Variants in SPPL3 observed in about 807,000 individuals in gnomAD.
The protein encoded by SPPL3 is signal peptide peptidase-like 3.
In SPPL3, 5 loss-of-function variants were observed where a neutral mutation model predicts 42.4. The ratio of observed to expected loss-of-function variants is 0.12; its 90% CI spans 0.06 to 0.25. SPPL3 has a LOEUF of 0.25. SPPL3 is among the 10% of genes least tolerant of loss of function. The pLI is 1.00. For synonymous variants in SPPL3, 195 were observed against 181.8 expected (o/e 1.07, Z -0.58); for missense variants, 235 against 489.0 (o/e 0.48, Z 4.90).
intron 2 of SPPL3, among the ~76,000 whole-genome samples, chr12:120,805,831 C>T (rs1338744272): frequency 6.6e-6 from 1 of 151,922 alleles, no homozygotes; most frequent in Non-Finnish European, 1.5e-5. Context: ...CTGAAAATTA[C>T]AAAACACTAT....
At chr12:120,891,418 G>A (rs918459727) in intron 1 of SPPL3, among the ~76,000 whole-genome samples, 5 of 151,856 alleles carry the variant, frequency 3.3e-5, no homozygotes, top group Non-Finnish European at 4.4e-5. Flanking sequence ...ATCAGGCCAC[G>A]AGATTTTTTT....
intron 1 of SPPL3, among the ~76,000 whole-genome samples, chr12:120,832,339 G>C (rs955852623): frequency 3.3e-5 from 5 of 152,102 alleles, no homozygotes; most frequent in African/African-American, 9.7e-5. Context: ...TATTAAAAAA[G>C]AGAAAGAAAA....
At chr12:120,787,732 G>A (rs968508662) in intron 3 of SPPL3, among the ~76,000 whole-genome samples, 7 of 151,970 alleles carry the variant, frequency 4.6e-5, no homozygotes, top group Admixed American at 2.0e-4. Context: ...ACCCAAGCAC[G>A]CATCCTTAAA....
chr12:120,806,157 T>C (rs56284009), intron 2 of SPPL3, among the ~76,000 whole-genome samples: 3,861 of 151,550 alleles, frequency 0.025, 75 homozygotes, highest in Middle Eastern at 0.051. Flanking sequence ...AGAAGAGACA[T>C]ACAGACCAGA....
intron 2 of SPPL3, among the ~76,000 whole-genome samples, chr12:120,802,251 T>C (rs1002720765): frequency 6.6e-6 from 1 of 151,558 alleles, no homozygotes; most frequent in Non-Finnish European, 1.5e-5. Context: ...CTGATAAAAA[T>C]ACGAATGCAC....
chr12:120,779,847 A>G (rs1869462505), intron 6 of SPPL3, among the ~76,000 whole-genome samples: 1 of 148,310 alleles, frequency 6.7e-6, no homozygotes, highest in South Asian at 2.1e-4. Flanking sequence ...AAAAAAAAAA[A>G]ATTAGCAAGG....
At chr12:120,820,305 A>ATTTTTTTTTTTT (rs754034719) in intron 1 of SPPL3, among the ~76,000 whole-genome samples, 1 of 139,034 alleles carries the variant, frequency 7.2e-6, no homozygotes, top group Non-Finnish European at 1.5e-5. Context: ...TCTTTCTCTA[A>ATTTTTTTTTTTT]ATTTTTTTTT....
chr12:120,802,771 A>C (rs1870360711), intron 2 of SPPL3, among the ~76,000 whole-genome samples: 1 of 152,058 alleles, frequency 6.6e-6, no homozygotes, highest in African/African-American at 2.4e-5. Context: ...ACATTCAAGA[A>C]TAACCAGTTT....
Position 120,889,292 on chromosome 12 carries a change from T to C in SPPL3, c.23+14553A>G, listed in dbSNP as rs117961199. Among the ~76,000 whole-genome samples the C allele has an allele frequency of 5.1e-3, 781 of 152,350 alleles. 2 individuals carry two copies. The highest frequency in any genetic ancestry group is 7.2e-3 in the Non-Finnish European group (492 of 68,030). ...AAGAGGGAACTTTAACTGTGGTAGATTGCATTAGAGGCATTAATTCCTCAT... is the reference window on the plus strand; with the variant it reads ...AAGAGGGAACTTTAACTGTGGTAGACTGCATTAGAGGCATTAATTCCTCAT... On this transcript the variant is annotated intron_variant, in intron 1 of 10. Transcript: ENST00000353487.
chr12:120,772,814 GA>G (rs1869171224), intron 6 of SPPL3, among the ~76,000 whole-genome samples: 1 of 152,130 alleles, frequency 6.6e-6, no homozygotes, highest in African/African-American at 2.4e-5. Flanking sequence ...TTCAACCTAG[GA>G]AGAGCAAAAT....
At chr12:120,792,666 C>T (rs1202207409) in intron 2 of SPPL3, among the ~76,000 whole-genome samples, 1 of 145,384 alleles carries the variant, frequency 6.9e-6, no homozygotes, top group Non-Finnish European at 1.5e-5. Flanking sequence ...CGCCACTGCA[C>T]TCCGGCCTGG....
chr12:120,793,665 A>G (rs978898280), intron 2 of SPPL3, among the ~76,000 whole-genome samples: 18 of 152,228 alleles, frequency 1.2e-4, no homozygotes, highest in African/African-American at 4.3e-4. Flanking sequence ...CCATGTTGAC[A>G]CCCTGACCTG....
chr12:120,766,949 T>C (rs1456588092), intron 9 of SPPL3, among the ~76,000 whole-genome samples: 1 of 152,204 alleles, frequency 6.6e-6, no homozygotes, highest in Admixed American at 6.5e-5. Context: ...GGTTACTGCT[T>C]TTCCCAGCCC....
intron 1 of SPPL3, among the ~76,000 whole-genome samples, chr12:120,867,840 C>T (rs553854030): frequency 2.0e-5 from 3 of 151,668 alleles, no homozygotes; most frequent in South Asian, 2.1e-4. Flanking sequence ...CTCCACCTCC[C>T]GGGTTCAAGT....
intron 1 of SPPL3, among the ~76,000 whole-genome samples, chr12:120,881,295 C>T (rs777167478): frequency 6.6e-6 from 1 of 150,468 alleles, no homozygotes; most frequent in Admixed American, 6.6e-5. Flanking sequence ...ATGGTGAAAC[C>T]CTGTTGCTAC....
At chr12:120,787,469 C>G (rs556679604) in intron 3 of SPPL3, among the ~76,000 whole-genome samples, 2 of 152,100 alleles carry the variant, frequency 1.3e-5, no homozygotes, top group Non-Finnish European at 2.9e-5. Flanking sequence ...AGAACAAGGT[C>G]AGGGGAAATC....
chr12:120,831,340 C>T (rs1276857523), intron 1 of SPPL3, among the ~76,000 whole-genome samples: 1 of 152,110 alleles, frequency 6.6e-6, no homozygotes, highest in Non-Finnish European at 1.5e-5. Context: ...CCTATTGGTT[C>T]TATTTCTCTG....
chr12:120,841,271 G>C (rs111937017), intron 1 of SPPL3, among the ~76,000 whole-genome samples: 6,345 of 152,018 alleles, frequency 0.042, 185 homozygotes, highest in South Asian at 0.12. Flanking sequence ...GCTGTGGTGA[G>C]CCATGGTCGT....
At chr12:120,769,139 C>G in intron 6 of SPPL3, 80 bp from the exon 7 acceptor site, 1 of 1,146,412 alleles carries the variant, frequency 8.7e-7, no homozygotes, top group Non-Finnish European at 1.3e-6. Flanking sequence ...TATGGCCCTT[C>G]ACAGAGTTTG....
Sources: allele counts gnomAD v4.1 joint callset (sites outside exome capture counted in the v4.1 genomes callset), GRCh38; gene constraint gnomAD v4.1.1; transcripts MANE v1.5; gene names NCBI Gene and HGNC (gene_info 2026-07-23, HGNC 2026-07-21).